Variants in CENPV observed in about 807,000 individuals in gnomAD.
The protein encoded by CENPV is nuclear protein p30.
Under a neutral mutation model 26.4 loss-of-function variants are expected in CENPV, and 15 were observed. The observed-to-expected ratio is 0.57, with a 90% CI of 0.38 to 0.88. The LOEUF (loss-of-function observed/expected upper bound fraction) is 0.88, where lower values mean the gene tolerates loss of function less well. Ranked by LOEUF, CENPV falls within the 40% of genes least tolerant of loss-of-function variation. CENPV has a pLI of 0.00. For missense variants in CENPV, 336 were observed against 376.5 expected, an observed-to-expected ratio of 0.89 and a Z score of 0.89; for synonymous variants, 172 against 165.5, an observed-to-expected ratio of 1.04 and a Z score of -0.30.
rs2093236153 is a variant in CENPV at position 16,353,425 on chromosome 17, C to G, written c.12G>C (p.Ser4=). 1 of 1,162,908 alleles carries G rather than the reference C, an allele frequency of 8.6e-7. No individual in the cohort carries two copies. The highest frequency in any genetic ancestry group is 1.1e-6 in the Non-Finnish European group (1 of 945,710). 72.0% of individuals were successfully genotyped at this position (1,162,908 alleles called of 1,614,324 possible). A position where few individuals can be genotyped will look rare whatever the true frequency, so the allele number is the denominator to read the frequency against. The part of the protein sequence containing the change: MRR[S]RSSAAAKLRG... Reference sequence around the variant, plus strand: ...GCAGCTTGGCGGCCGCAGAGCTCCTCGATCGCCGCATGGCTCCCGCAGCCT... The same window carrying G: ...GCAGCTTGGCGGCCGCAGAGCTCCTGGATCGCCGCATGGCTCCCGCAGCCT... The change falls in exon 1 of 5, where the codon TCG becomes TCC. Residue 4 remains serine, a synonymous_variant. Coordinates refer to ENST00000299736, the MANE Select transcript of CENPV (RefSeq NM_181716.3).
Position 16,353,239 on chromosome 17 carries a change from C to T in CENPV, c.198G>A (p.Ser66=), listed in dbSNP as rs1031963243. Residue 66 remains serine (S), a synonymous_variant, in exon 1 of 5, where the codon TCG becomes TCA. Transcript: ENST00000299736. ...PPSEKPRLRR[S]SPRAQEEGPG... is the part of the protein sequence containing the mutation. ...GGCCCTCCTCCTGGGCCCGCGGCGA[C>T]GAGCGCCTCAGCCGCGGCTTCTCCG... 1.4e-6 allele frequency: 2 copies of T among 1,401,252 alleles called. No homozygotes were observed. The highest frequency in any genetic ancestry group is 2.9e-5 in the Admixed American group (1 of 34,804). The allele number at this position is 1,401,252 out of a possible 1,614,324, so 86.8% of individuals were successfully genotyped here.
intron 4 of CENPV, 97 bp downstream of exon 4, chr17:16,344,500 C>T (rs910782149): frequency 3.6e-5 from 21 of 577,550 alleles, no homozygotes; most frequent in African/African-American, 2.5e-4. Context: ...GTGACAGGGT[C>T]TAGTCAGCAT....
intron 4 of CENPV, 40 bp downstream of exon 4, chr17:16,344,557 C>G (rs188288727): frequency 8.1e-7 from 1 of 1,236,666 alleles, no homozygotes; most frequent in Admixed American, 2.4e-5. Flanking sequence ...ATGGGCCTCT[C>G]TGTGTCCCCC....
chr17:16,345,126 G>T (rs2093200241), intron 3 of CENPV, among the ~76,000 whole-genome samples: 1 of 151,910 alleles, frequency 6.6e-6, no homozygotes. Flanking sequence ...GCCGGGTGTG[G>T]TGGCAGGCGC....
At chr17:16,343,201 C>A (rs1162263379) in intron 4 of CENPV, among the ~76,000 whole-genome samples, 2 of 152,226 alleles carry the variant, frequency 1.3e-5, no homozygotes, top group Admixed American at 1.3e-4. Flanking sequence ...CTCCCTGAGC[C>A]AGGTTTGGCC....
intron 4 of CENPV, 38 bp downstream of exon 4, chr17:16,344,559 G>A: frequency 8.0e-7 from 1 of 1,255,518 alleles, no homozygotes; most frequent in Admixed American, 2.3e-5. Flanking sequence ...GGGCCTCTCT[G>A]TGTCCCCCTG....
chr17:16,342,873 C>T lies in CENPV; in HGVS notation c.763G>A (p.Asp255Asn), dbSNP rs904865995. The change falls in exon 5 of 5, where the codon GAT becomes AAT. Residue 255 changes from aspartate (D) to asparagine (N), a missense_variant. Asp to Asn is a conservative substitution (Grantham distance 23). Coordinates refer to ENST00000299736, the MANE Select transcript of CENPV (RefSeq NM_181716.3). ...SMVTEEFNGS[D>N]WEKAMKEHKT... ...TGCTCTTTCATGGCCTTCTCCCAAT[C>T]GCTGCCATTGAATTCCTCAGTGACC... The T allele has an allele frequency of 3.7e-6, 6 of 1,614,136 alleles. No homozygotes were observed. The highest frequency in any genetic ancestry group is 4.2e-6 in the Non-Finnish European group (5 of 1,180,034).
At chr17:16,346,001 G>T (rs189565334) in intron 3 of CENPV, among the ~76,000 whole-genome samples, 19 of 152,252 alleles carry the variant, frequency 1.2e-4, no homozygotes, top group African/African-American at 4.3e-4. Flanking sequence ...AGTTCAGATA[G>T]AAAGAAAAAT....
chr17:16,353,059 G>A lies in CENPV; in HGVS notation c.378C>T (p.Ser126=), dbSNP rs774764894. 1.8e-5 allele frequency: 28 copies of A among 1,578,982 alleles called. No homozygotes were observed. The Admixed American group carries it at 4.9e-4, about 28-fold the overall frequency. The part of the protein sequence containing the change: ...ETFQKRQKLT[S]EGAAKLLLDT... ...CTAGCAGGAGCTTGGCGGCACCCTC[G>A]GAGGTAAGCTTCTGCCGCTTCTGGA... The change falls in exon 1 of 5, where the codon TCC becomes TCT. Residue 126 remains serine, a synonymous_variant. Coordinates refer to ENST00000299736, the MANE Select transcript of CENPV (RefSeq NM_181716.3).
chr17:16,348,719 G>A (rs374278548), intron 2 of CENPV, 34 bp from the exon 3 acceptor site: 44 of 1,612,450 alleles, frequency 2.7e-5, no homozygotes, highest in Non-Finnish European at 3.6e-5. Flanking sequence ...CAGATTGTGA[G>A]CAGCCACCTG....
chr17:16,352,988 T>C (rs1260696202), intron 1 of CENPV, 39 bp downstream of exon 1: 1 of 1,511,720 alleles, frequency 6.6e-7, no homozygotes. Context: ...GGGGTCCGCG[T>C]GGCAACGGCT....
At position 16,353,323 on chromosome 17, in the gene CENPV, G is replaced by A. The variant is rs578198570; in HGVS notation, c.114C>T (p.Arg38=). The A allele has an allele frequency of 1.2e-4, 170 of 1,386,032 alleles. 1 individual carries two copies. In the African/African-American group the frequency reaches 2.3e-3, roughly 19 times the overall value. The allele number at this position is 1,386,032 out of a possible 1,614,324, so 85.9% of individuals were successfully genotyped here. ...AAAALAPSAT[R]TRRSASQAGS... ...CGGCCTGGCTAGCGGAGCGCCGTGT[G>A]CGGGTGGCGCTGGGTGCCAAGGCAG... Residue 38 remains arginine (R), a synonymous_variant, in exon 1 of 5, where the codon CGC becomes CGT. Coordinates refer to ENST00000299736, the MANE Select transcript of CENPV (RefSeq NM_181716.3).
intron 3 of CENPV, among the ~76,000 whole-genome samples, chr17:16,345,606 C>T (rs566764825): frequency 6.6e-6 from 1 of 152,088 alleles, no homozygotes; most frequent in African/African-American, 2.4e-5. Flanking sequence ...GAGGCCATTT[C>T]CTATCTCCAG....
intron 2 of CENPV, 50 bp from the exon 3 acceptor site, chr17:16,348,735 T>A: frequency 6.2e-7 from 1 of 1,610,668 alleles, no homozygotes; most frequent in South Asian, 1.1e-5. Flanking sequence ...ACCTGCATCC[T>A]CTATGCCTGA....
At chr17:16,343,119 G>A (rs2093189551) in intron 4 of CENPV, among the ~76,000 whole-genome samples, 178 bp from the exon 5 acceptor site, 3 of 152,152 alleles carry the variant, frequency 2.0e-5, no homozygotes, top group South Asian at 2.1e-4. Flanking sequence ...CAGCTGGCTC[G>A]GAAAGCACTG....
In CENPV at chr17:16,350,049, G is replaced by A; in HGVS notation, c.411-20C>T. The A allele has an allele frequency of 6.2e-7, 1 of 1,606,816 alleles. No individual in the cohort carries two copies. On this transcript the variant is annotated intron_variant, in intron 1 of 4. Transcript: ENST00000299736. ...TATTCACTAAATGAAACAAAAATCA[G>A]AAAGATAATAATTTCTGAATAGCTG...
At chr17:16,350,811 TC>T (rs2093225599) in intron 1 of CENPV, 1 of 152,170 alleles carries the variant, frequency 6.6e-6, no homozygotes, top group Non-Finnish European at 1.5e-5. Flanking sequence ...GTGTACTCAA[TC>T]AAGTCCAGAG....
chr17:16,347,042 G>A (rs1042492069), intron 3 of CENPV, among the ~76,000 whole-genome samples: 1 of 151,864 alleles, frequency 6.6e-6, no homozygotes, highest in Non-Finnish European at 1.5e-5. Flanking sequence ...TAGACATGGG[G>A]GTCTCGCTAT....
rs751994315 is a variant in CENPV at position 16,348,697 on chromosome 17, C to CA, written c.510-13dup. The CA allele has an allele frequency of 1.2e-6, 2 of 1,613,672 alleles. No individual in the cohort carries two copies. The highest frequency in any genetic ancestry group is 2.2e-5 in the South Asian group (2 of 91,064). ...TGCAAATGCTGCAACTACAGAAAGA[C>CA]AGAGCAAATTCCAGATTGTGAGCAG... On this transcript the variant is annotated splice_polypyrimidine_tract_variant and intron_variant, in intron 2 of 4. Transcript: ENST00000299736.
Sources: allele counts gnomAD v4.1 joint callset (sites outside exome capture counted in the v4.1 genomes callset), GRCh38; gene constraint gnomAD v4.1.1; transcripts MANE v1.5; gene names NCBI Gene and HGNC (gene_info 2026-07-23, HGNC 2026-07-21).